Variants in GCG observed in about 807,000 individuals in gnomAD.
The protein encoded by GCG is pro-glucagon.
A neutral mutation model predicts 22.8 loss-of-function variants in GCG; 11 were observed. The observed-to-expected ratio is 0.48, with a 90% confidence interval of 0.30 to 0.80. GCG has a LOEUF of 0.80. Ranked by LOEUF, GCG falls within the 30% of genes least tolerant of loss-of-function variation. The probability of loss-of-function intolerance (pLI) is 0.06; values close to 1 mark genes in which losing one functional copy is unlikely to be tolerated. For synonymous variants in GCG, 89 were observed against 72.4 expected, an observed-to-expected ratio of 1.23 and a Z score of -1.16; for missense variants, 222 against 222.0, an observed-to-expected ratio of 1.00 and a Z score of 0.00.
chr2:162,146,739 C>T (rs1026816588), intron 3 of GCG, among the ~76,000 whole-genome samples: 8 of 152,124 alleles, frequency 5.3e-5, no homozygotes, highest in South Asian at 2.1e-4. Flanking sequence ...GAAACCCTTG[C>T]GGATAATTTC....
At chr2:162,143,401 A>G (rs1167250030) in intron 5 of GCG, 31 bp from the exon 6 acceptor site, 3 of 820,944 alleles carry the variant, frequency 3.7e-6, no homozygotes, top group Non-Finnish European at 3.9e-6. Context: ...ATGATTTAAC[A>G]TAATTATAAT....
intron 4 of GCG, 116 bp downstream of exon 4, chr2:162,145,424 C>T: frequency 1.2e-6 from 1 of 862,424 alleles, no homozygotes; most frequent in Non-Finnish European, 1.7e-6. Context: ...GGAATTATTT[C>T]CTTACTTTGC....
At chr2:162,150,754 C>T (rs1486601960) in intron 1 of GCG, among the ~76,000 whole-genome samples, 1 of 151,834 alleles carries the variant, frequency 6.6e-6, no homozygotes, top group Non-Finnish European at 1.5e-5. Flanking sequence ...TAGTCTTTCA[C>T]AAGACTGAAA....
In GCG at chr2:162,144,155, G is replaced by T. The variant is rs202010736; in HGVS notation, c.408C>A (p.Val136=). 2.5e-6 allele frequency: 4 copies of T among 1,610,678 alleles called. No homozygotes were observed. The highest frequency in any genetic ancestry group is 1.7e-5 in the Admixed American group (1 of 59,946). The change falls in exon 5 of 6, where the codon GTC becomes GTA. Residue 136 remains valine (V), a synonymous_variant. Transcript: ENST00000418842. ...GRGRRDFPEE[V]AIVEELGRRH... is the part of the protein sequence containing the mutation. The stretch of plus-strand genomic sequence containing the variant: ...TGCGGCCAAGTTCTTCAACAATGGC[G>T]ACCTCTTCTGGGAAACTAAGAAAAT...
intron 1 of GCG, among the ~76,000 whole-genome samples, chr2:162,149,760 C>T (rs767901642): frequency 6.6e-6 from 1 of 151,958 alleles, no homozygotes; most frequent in African/African-American, 2.4e-5. Context: ...AATTATAAAG[C>T]GGCCAACAGA....
intron 1 of GCG, 54 bp from the exon 2 acceptor site, chr2:162,149,241 A>G (rs1686773377): frequency 3.1e-6 from 3 of 958,696 alleles, no homozygotes; most frequent in South Asian, 1.3e-5. Flanking sequence ...GGATTTTTAA[A>G]CATGTCAGGC....
intron 5 of GCG, 121 bp downstream of exon 5, chr2:162,143,906 T>C: frequency 1.3e-6 from 1 of 773,720 alleles, no homozygotes; most frequent in Non-Finnish European, 2.2e-6. Context: ...CATGCATAAT[T>C]ATTTCCTATA....
intron 2 of GCG, among the ~76,000 whole-genome samples, chr2:162,148,635 T>G (rs1056363185): frequency 2.6e-5 from 4 of 152,146 alleles, no homozygotes; most frequent in Admixed American, 2.6e-4. Context: ...TGAATAGCTT[T>G]CTTTGGACAG....
intron 5 of GCG, 92 bp downstream of exon 5, chr2:162,143,935 T>C: frequency 1.0e-6 from 1 of 1,004,966 alleles, no homozygotes; most frequent in East Asian, 2.5e-5. Context: ...GATTATAGAC[T>C]TTCCCCCTAC....
In GCG at chr2:162,143,092, G is replaced by T. The variant is rs996822747; in HGVS notation, c.*272C>A. The T allele has an allele frequency of 9.3e-6, 3 of 321,306 alleles. No individual in the cohort carries two copies. The highest frequency in any genetic ancestry group is 5.1e-5 in the East Asian group (1 of 19,728). 19.9% of individuals were successfully genotyped at this position (321,306 alleles called of 1,614,324 possible). The stretch of plus-strand genomic sequence containing the variant: ...TAGAAAAATAATTTTATCGCTAAAT[G>T]TAAACAGGTTGGGGTACTTCATCCA... On this transcript the variant is annotated 3_prime_UTR_variant, in exon 6 of 6. Transcript: ENST00000418842.
chr2:162,146,739 C>A (rs1026816588), intron 3 of GCG, among the ~76,000 whole-genome samples: 6 of 152,006 alleles, frequency 3.9e-5, no homozygotes, highest in South Asian at 4.2e-4. Flanking sequence ...GAAACCCTTG[C>A]GGATAATTTC....
At position 162,144,043 on chromosome 2, in the gene GCG, T is replaced by C. The variant is rs766216371; in HGVS notation, c.520A>G (p.Thr174Ala). ...ARDFINWLIQ[T>A]KITDRK The stretch of plus-strand genomic sequence containing the variant: ...AGCAGTCACCTGTCAGTGATTTTGG[T>C]CTGAATCAACCAGTTTATAAAGTCC... Residue 174 changes from threonine to alanine, a missense_variant, in exon 5 of 6, where the codon ACC becomes GCC. Transcript: ENST00000418842. 2.1e-5 allele frequency: 34 copies of C among 1,613,034 alleles called. No individual in the cohort carries two copies. The African/African-American group carries it at 2.5e-4, about 12-fold the overall frequency.
chr2:162,151,042 A>G (rs1054340420), intron 1 of GCG, among the ~76,000 whole-genome samples: 12 of 152,130 alleles, frequency 7.9e-5, no homozygotes, highest in African/African-American at 2.9e-4. Context: ...TAATTGTTTG[A>G]ATACAATTGC....
rs1559748416 is a variant in GCG at position 162,143,379 on chromosome 2, TA to T, written c.537-10del. 1.6e-5 allele frequency: 17 copies of T among 1,079,880 alleles called. No individual in the cohort carries two copies. The highest frequency in any genetic ancestry group is 2.0e-5 in the Non-Finnish European group (15 of 739,200). 66.9% of individuals were successfully genotyped at this position (1,079,880 alleles called of 1,614,324 possible). On this transcript the variant is annotated splice_polypyrimidine_tract_variant and intron_variant, in intron 5 of 5. Coordinates refer to ENST00000418842, the MANE Select transcript of GCG (RefSeq NM_002054.5). ...AGTGATATAGTTATTTCCTAGAGAT[TA>T]AAAAAAGAAAATGATTTAACATAAT... is the stretch of plus-strand genomic sequence containing the variant.
chr2:162,150,150 C>T (rs1559750832), intron 1 of GCG, among the ~76,000 whole-genome samples: 2 of 152,248 alleles, frequency 1.3e-5, no homozygotes, highest in African/African-American at 4.8e-5. Context: ...AATGTCCCCA[C>T]AGAGCAAGCG....
At chr2:162,147,140 C>G (rs949006832) in intron 3 of GCG, among the ~76,000 whole-genome samples, 1 of 152,084 alleles carries the variant, frequency 6.6e-6, no homozygotes, top group African/African-American at 2.4e-5. Context: ...GGCTATGTCA[C>G]ACTGGAGGTT....
rs764566176 is a variant in GCG at position 162,145,652 on chromosome 2, C to T, written c.280G>A (p.Glu94Lys). Reference protein sequence around the residue: ...NRNNIAKRHDEFERHAEGTFT... With the variant: ...NRNNIAKRHDKFERHAEGTFT... Reference sequence around the variant, plus strand: ...GTCCCTTCAGCATGTCTCTCAAATTCATCGTGACGTTTGGCAATGTTATTC... The same window carrying T: ...GTCCCTTCAGCATGTCTCTCAAATTTATCGTGACGTTTGGCAATGTTATTC... The change falls in exon 4 of 6, where the codon GAA (glutamate) becomes AAA (lysine). Residue 94 changes from glutamate (E) to lysine (K), a missense_variant. By Grantham distance (56) the Glu-to-Lys change is moderately conservative. Coordinates refer to ENST00000418842, the MANE Select transcript of GCG (RefSeq NM_002054.5). 30 of 1,610,222 alleles carry T rather than the reference C, an allele frequency of 1.9e-5. No homozygotes were observed. The Admixed American group carries it at 5.0e-4, about 27-fold the overall frequency.
intron 1 of GCG, among the ~76,000 whole-genome samples, chr2:162,150,657 T>G (rs1392348129): frequency 6.6e-6 from 1 of 152,158 alleles, no homozygotes; most frequent in Non-Finnish European, 1.5e-5. Context: ...AATTGTTATA[T>G]CCGTGCTTGC....
chr2:162,149,564 C>T (rs1365617868), intron 1 of GCG, among the ~76,000 whole-genome samples: 1 of 152,100 alleles, frequency 6.6e-6, no homozygotes, highest in Non-Finnish European at 1.5e-5. Flanking sequence ...GCACCTTATC[C>T]ATCATGCCAC....
Sources: gnomAD v4.1 joint callset for allele counts (sites outside exome capture counted in the v4.1 genomes callset) on GRCh38, gnomAD v4.1.1 for gene constraint, MANE v1.5 for transcripts, NCBI Gene and HGNC (gene_info 2026-07-23, HGNC 2026-07-21) for gene names.